The following TUT4 variants were observed in gnomAD, a reference collection of about 807,000 sequenced individuals.
The protein encoded by TUT4 is terminal uridylyl transferase 4.
In TUT4, 36 loss-of-function variants were observed where a neutral mutation model predicts 192.2. The observed-to-expected ratio is 0.19, with a 90% CI of 0.14 to 0.25. The LOEUF (loss-of-function observed/expected upper bound fraction) is 0.25. TUT4 is among the 10% of genes least tolerant of loss of function. TUT4 has a pLI of 1.00. For synonymous variants in TUT4, 618 were observed against 666.0 expected (o/e 0.93, Z 1.11); for missense variants, 1,493 against 1,957.2 (o/e 0.76, Z 4.47).
intron 4 of TUT4, among the ~76,000 whole-genome samples, chr1:52,505,756 C>T (rs1048104890): frequency 4.0e-5 from 6 of 151,756 alleles, no homozygotes; most frequent in South Asian, 2.1e-4. Flanking sequence ...TTTTTGAAAA[C>T]GCTTTTTCAG....
Position 52,526,271 on chromosome 1 carries a change from A to G in TUT4, c.10T>C (p.Ser4Pro), listed in dbSNP as rs757471547. 1 of 1,532,186 alleles carries G rather than the reference A, an allele frequency of 6.5e-7. No homozygotes were observed. Among genetic ancestry groups the G allele is most frequent in the Non-Finnish European group, 8.7e-7 (1 of 1,149,716 alleles). The allele number at this position is 1,532,186 out of a possible 1,614,324, so 94.9% of individuals were successfully genotyped here. Residue 4 changes from serine (S) to proline (P), a missense_variant, in exon 2 of 30, where the codon TCT (serine) becomes CCT (proline). Physicochemically the swap from Ser to Pro is moderately conservative, Grantham distance 74. This residue lies in a region of TUT4 where 260 missense variants were observed against 247.8 expected (regional missense o/e 1.05). Transcript: ENST00000257177. ...TGATTTTCACTTTTTAAGGTTTTAGACTCTTCCATTATTTGAAAATCTGTT... is the reference window on the plus strand; with the variant it reads ...TGATTTTCACTTTTTAAGGTTTTAGGCTCTTCCATTATTTGAAAATCTGTT... MEE[S>P]KTLKSENHEP...
chr1:52,487,063 A>G (rs1413640693), intron 9 of TUT4, among the ~76,000 whole-genome samples: 1 of 152,202 alleles, frequency 6.6e-6, no homozygotes, highest in South Asian at 2.1e-4. Flanking sequence ...AGCCTGAAGT[A>G]TATTCTCATG....
At chr1:52,468,331 C>T in intron 14 of TUT4, 64 bp from the exon 15 acceptor site, 1 of 1,294,570 alleles carries the variant, frequency 7.7e-7, no homozygotes, top group South Asian at 1.4e-5. Context: ...CTGAAAACAT[C>T]TTCAAGTTTT....
chr1:52,496,938 C>T, intron 5 of TUT4, 68 bp downstream of exon 5: 1 of 1,431,610 alleles, frequency 7.0e-7, no homozygotes, highest in Non-Finnish European at 9.6e-7. Flanking sequence ...AAGAAATGTA[C>T]TCTAGTTCAA....
intron 28 of TUT4, among the ~76,000 whole-genome samples, chr1:52,427,195 C>T (rs749810370): frequency 5.3e-4 from 81 of 152,138 alleles, no homozygotes; most frequent in Non-Finnish European, 7.4e-4. Context: ...CACAGTAAGA[C>T]AAATGTTATG....
intron 4 of TUT4, among the ~76,000 whole-genome samples, chr1:52,506,717 T>C (rs568117901): frequency 7.2e-5 from 11 of 152,320 alleles, no homozygotes; most frequent in South Asian, 6.2e-4. Flanking sequence ...AATACAGTTA[T>C]ATTAACTGTC....
intron 20 of TUT4, among the ~76,000 whole-genome samples, chr1:52,446,943 A>G (rs1434940734): frequency 5.3e-5 from 8 of 152,224 alleles, no homozygotes; most frequent in Non-Finnish European, 1.2e-4. Flanking sequence ...TATCCAGTCC[A>G]AGAATAATGA....
At position 52,436,824 on chromosome 1, in the gene TUT4, C is replaced by T. The variant is rs558547500; in HGVS notation, c.4093G>A (p.Asp1365Asn). The change falls in exon 26 of 30, where the codon GAT becomes AAT. Residue 1365 changes from aspartate to asparagine, a missense_variant. Around this residue, in one of 7 missense-constraint regions of TUT4, gnomAD observed 351 missense variants for 397.8 expected, o/e 0.88. Transcript: ENST00000257177. The part of the protein sequence containing the change: ...PRDLRCFICG[D>N]AGHVRRECPE... ...CACTCCCTTCGTACATGTCCAGCAT[C>T]TCCACATATAAAACATCTGAGGTCT... The T allele has an allele frequency of 1.2e-6, 2 of 1,614,012 alleles. No individual in the cohort carries two copies. The highest frequency in any genetic ancestry group is 1.1e-5 in the South Asian group (1 of 91,064).
intron 14 of TUT4, among the ~76,000 whole-genome samples, chr1:52,470,230 C>A (rs1665363944): frequency 6.6e-6 from 1 of 151,844 alleles, no homozygotes; most frequent in Non-Finnish European, 1.5e-5. Context: ...TAAAAGGGAC[C>A]AGGTAGTCAA....
chr1:52,490,901 T>C (rs1160578009), intron 7 of TUT4, 100 bp from the exon 8 acceptor site: 1 of 981,256 alleles, frequency 1.0e-6, no homozygotes, highest in East Asian at 2.7e-5. Flanking sequence ...ATTATTCTCA[T>C]TGCTTCTGTG....
At chr1:52,470,229 C>T (rs1242296332) in intron 14 of TUT4, among the ~76,000 whole-genome samples, 1 of 151,730 alleles carries the variant, frequency 6.6e-6, no homozygotes, top group Non-Finnish European at 1.5e-5. Context: ...ATAAAAGGGA[C>T]CAGGTAGTCA....
chr1:52,446,659 A>G lies in TUT4; in HGVS notation c.3444T>C (p.Asp1148=), dbSNP rs767639997. The G allele has an allele frequency of 4.4e-6, 7 of 1,602,074 alleles. No homozygotes were observed. In the African/African-American group the frequency reaches 8.1e-5, roughly 18 times the overall value. ...CCATTCTCTGTGGAATCTGTTTTCC[A>G]TCAAAGATCTGCATAAAAAAATTAA... ...PVIPVLQEIF[D]GKQIPQRMVD... Residue 1148 remains aspartate (D), a synonymous_variant, in exon 21 of 30, where the codon GAT becomes GAC. Transcript: ENST00000257177.
intron 25 of TUT4, among the ~76,000 whole-genome samples, chr1:52,437,976 A>G (rs1323086435): frequency 1.3e-5 from 2 of 152,090 alleles, no homozygotes. Context: ...AAATAAAAAC[A>G]AAAACAAAAA....
intron 4 of TUT4, among the ~76,000 whole-genome samples, chr1:52,499,642 G>A (rs575028591): frequency 6.6e-6 from 1 of 152,260 alleles, no homozygotes; most frequent in East Asian, 1.9e-4. Flanking sequence ...AGGCTGAGGT[G>A]AGGATGGCTT....
intron 11 of TUT4, 70 bp from the exon 12 acceptor site, chr1:52,477,952 G>A: frequency 7.2e-7 from 1 of 1,393,628 alleles, no homozygotes; most frequent in Non-Finnish European, 9.6e-7. Flanking sequence ...TTCAGTTAGA[G>A]AAGACCTTGG....
chr1:52,490,023 G>C (rs934468304), intron 8 of TUT4, among the ~76,000 whole-genome samples: 5 of 152,000 alleles, frequency 3.3e-5, no homozygotes, highest in Non-Finnish European at 1.5e-5. Flanking sequence ...TAACTAGAAA[G>C]GCAAGATCAG....
Position 52,493,965 on chromosome 1 carries a change from CTTTTTT to C in TUT4, c.1267-309_1267-304del, listed in dbSNP as rs74540967. On this transcript the variant is annotated intron_variant, in intron 6 of 29. Transcript: ENST00000257177. ...TGTGTGCCACCACATCCAGCTAATA[CTTTTTT>C]TTTTTTTTTTTTTAAGAGACAAGGT... Among the ~76,000 whole-genome samples, 5 of 132,844 alleles carry C rather than the reference CTTTTTT, an allele frequency of 3.8e-5. No individual in the cohort carries two copies. In the South Asian group the frequency reaches 7.3e-4, roughly 19 times the overall value. The allele number at this position is 132,844 out of a possible 152,430, so 87.2% of individuals were successfully genotyped here.
At chr1:52,431,482 T>C in intron 27 of TUT4, 22 bp from the exon 28 acceptor site, 1 of 1,454,658 alleles carries the variant, frequency 6.9e-7, no homozygotes, top group Non-Finnish European at 9.1e-7. Flanking sequence ...AAAAAAATTT[T>C]TTTTAATTAA....
rs1430514424 is a variant in TUT4 at position 52,475,520 on chromosome 1, T to C, written c.2039A>G (p.Lys680Arg). ...GTTTAAGCTCCGTGCAACATTCCTC[T>C]TGACTGAAAATGGATCTAGCAAAAG... ...RIAIEDPFSV[K>R]RNVARSLNSQ... The change falls in exon 13 of 30, where the codon AAG (lysine) becomes AGG (arginine). Residue 680 changes from lysine to arginine, a missense_variant. Coordinates refer to ENST00000257177, the MANE Select transcript of TUT4 (RefSeq NM_001009881.3). The C allele has an allele frequency of 1.9e-6, 3 of 1,611,636 alleles. No homozygotes were observed. The Admixed American group carries it at 5.0e-5, about 27-fold the overall frequency.
Sources: allele counts gnomAD v4.1 joint callset (sites outside exome capture counted in the v4.1 genomes callset), GRCh38; gene constraint gnomAD v4.1.1; regional missense constraint gnomAD v4.1.1; transcripts MANE v1.5; gene names NCBI Gene and HGNC (gene_info 2026-07-23, HGNC 2026-07-21).